Variants in HSD17B12 observed in about 807,000 individuals in gnomAD.
The protein encoded by HSD17B12 is very-long-chain 3-oxoacyl-CoA reductase.
In HSD17B12, 32 loss-of-function variants were observed where a neutral mutation model predicts 39.3. The observed-to-expected ratio is 0.81, with a 90% CI of 0.61 to 1.09. The LOEUF (loss-of-function observed/expected upper bound fraction) is 1.09, where lower values mean the gene tolerates loss of function less well. Ranked by LOEUF, HSD17B12 falls within the 50% of genes least tolerant of loss-of-function variation. The probability of loss-of-function intolerance (pLI) is 0.00; values close to 1 mark genes in which losing one functional copy is unlikely to be tolerated. For missense variants in HSD17B12, 342 were observed against 382.9 expected, an observed-to-expected ratio of 0.89 and a Z score of 0.89; for synonymous variants, 150 against 146.7, an observed-to-expected ratio of 1.02 and a Z score of -0.16.
At chr11:43,734,965 C>T (rs549281462) in intron 1 of HSD17B12, among the ~76,000 whole-genome samples, 1 of 152,320 alleles carries the variant, frequency 6.6e-6, no homozygotes, top group East Asian at 1.9e-4. Flanking sequence ...AACCACTAAT[C>T]TGCTTTCTTC....
rs1565049662 is a variant in HSD17B12 at position 43,690,385 on chromosome 11, TATA to T, written c.160+9399_160+9401del. Among the ~76,000 whole-genome samples, 136 of 15,110 alleles carry T rather than the reference TATA, an allele frequency of 9.0e-3. 7 individuals carry two copies. The highest frequency in any genetic ancestry group is 0.029 in the Middle Eastern group (2 of 70). The allele number at this position is 15,110 out of a possible 152,430, so 9.9% of individuals were successfully genotyped here. On this transcript the variant is annotated intron_variant, in intron 1 of 10. Transcript: ENST00000278353. ...ACATATATATATATATATATATATATATATATATATATATATATATTTTTTTTT... is the reference window on the plus strand; with the variant it reads ...ACATATATATATATATATATATATATTATATATATATATATATTTTTTTTT...
At chr11:43,609,970 C>T in the HSD17B12 span, among the ~76,000 whole-genome samples, 3 of 152,142 alleles carry the variant, frequency 2.0e-5, no homozygotes, top group Non-Finnish European at 2.9e-5. Context: ...CCAATGATTA[C>T]CTAATTCATG....
At chr11:43,618,595 G>T in the HSD17B12 span, among the ~76,000 whole-genome samples, 2 of 152,140 alleles carry the variant, frequency 1.3e-5, no homozygotes, top group African/African-American at 4.8e-5. Flanking sequence ...CTCAAAAAAT[G>T]TCCTACTGAA....
At chr11:43,663,850 T>A in the HSD17B12 span, among the ~76,000 whole-genome samples, 1 of 151,948 alleles carries the variant, frequency 6.6e-6, no homozygotes, top group South Asian at 2.1e-4. Context: ...ATTTTTATTT[T>A]TTTATTTTTT....
At chr11:43,744,994 C>G (rs1317961668) in intron 1 of HSD17B12, among the ~76,000 whole-genome samples, 4 of 152,210 alleles carry the variant, frequency 2.6e-5, no homozygotes, top group African/African-American at 4.8e-5. Flanking sequence ...AGAGCAGTTA[C>G]TGGGAGAGAC....
chr11:43,784,637 C>A (rs562720026), intron 3 of HSD17B12, among the ~76,000 whole-genome samples: 2 of 152,056 alleles, frequency 1.3e-5, no homozygotes, highest in African/African-American at 4.8e-5. Flanking sequence ...AGGGTGGCAA[C>A]AAAACCTTTT....
intron 7 of HSD17B12, among the ~76,000 whole-genome samples, chr11:43,835,235 CAG>C (rs1252605756): frequency 6.6e-6 from 1 of 152,080 alleles, no homozygotes; most frequent in Non-Finnish European, 1.5e-5. Context: ...CTTGATATAA[CAG>C]AGTTGTCATG....
intron 1 of HSD17B12, among the ~76,000 whole-genome samples, chr11:43,738,419 A>G (rs1348084334): frequency 6.8e-6 from 1 of 147,022 alleles, no homozygotes; most frequent in Non-Finnish European, 1.5e-5. Context: ...TGTTCCCCGG[A>G]AATCATCACC....
chr11:43,596,878 C>T, the HSD17B12 span, among the ~76,000 whole-genome samples: 1 of 152,234 alleles, frequency 6.6e-6, no homozygotes, highest in Admixed American at 6.5e-5. Flanking sequence ...TTAGTGACTG[C>T]TCGTCTGAAG....
At chr11:43,830,212 A>C (rs1007152380) in intron 6 of HSD17B12, 1 of 152,216 alleles carries the variant, frequency 6.6e-6, no homozygotes, top group Non-Finnish European at 1.5e-5. Context: ...TTCTTAGAGA[A>C]TTGATGATAT....
At chr11:43,764,811 G>T (rs900892557) in intron 3 of HSD17B12, among the ~76,000 whole-genome samples, 2 of 151,892 alleles carry the variant, frequency 1.3e-5, no homozygotes, top group African/African-American at 4.8e-5. Context: ...ATTTTAAATG[G>T]GTTTCTTATG....
the HSD17B12 span, among the ~76,000 whole-genome samples, chr11:43,590,095 A>G: frequency 6.6e-6 from 1 of 152,162 alleles, no homozygotes; most frequent in Non-Finnish European, 1.5e-5. Flanking sequence ...GGAGGAGTTG[A>G]ACCTTGAATA....
upstream of HSD17B12, chr11:43,680,450 A>T: frequency 3.8e-6 from 1 of 261,646 alleles, no homozygotes; most frequent in South Asian, 3.9e-5. Context: ...CTGAGCTCAA[A>T]CCAGCCTGGG....
intron 1 of HSD17B12, among the ~76,000 whole-genome samples, chr11:43,693,059 G>A (rs1433900685): frequency 6.6e-6 from 1 of 152,228 alleles, no homozygotes; most frequent in East Asian, 1.9e-4. Flanking sequence ...AGGGATGTTA[G>A]CAACCTCTTC....
the HSD17B12 span, among the ~76,000 whole-genome samples, chr11:43,596,013 C>T: frequency 6.6e-6 from 1 of 152,226 alleles, no homozygotes; most frequent in Non-Finnish European, 1.5e-5. Flanking sequence ...TAGGGACCCT[C>T]AAGACCATCC....
At chr11:43,706,689 G>GGGGTGTGTGTGT (rs1037280801) in intron 1 of HSD17B12, among the ~76,000 whole-genome samples, 15 of 137,902 alleles carry the variant, frequency 1.1e-4, no homozygotes, top group South Asian at 7.0e-4. Context: ...TGAATGAAGG[G>GGGGTGTGTGTGT]GTGTGTGTGT....
In HSD17B12 at chr11:43,749,438, T is replaced by C. The variant is rs1950445272; in HGVS notation, c.161-1473T>C. Reference sequence around the variant, plus strand: ...GAATGAGATAATGGTATTGTGGCTATTTTTCATAGCAGAAACATACTGTAA... The same window carrying C: ...GAATGAGATAATGGTATTGTGGCTACTTTTCATAGCAGAAACATACTGTAA... On this transcript the variant is annotated intron_variant, in intron 1 of 10. Coordinates refer to ENST00000278353, the MANE Select transcript of HSD17B12 (RefSeq NM_016142.3). Among the ~76,000 whole-genome samples, 3 of 152,244 alleles carry C rather than the reference T, an allele frequency of 2.0e-5. No individual in the cohort carries two copies. The South Asian group carries it at 6.2e-4, about 32-fold the overall frequency.
At chr11:43,630,392 C>T in the HSD17B12 span, among the ~76,000 whole-genome samples, 1 of 152,204 alleles carries the variant, frequency 6.6e-6, no homozygotes, top group Non-Finnish European at 1.5e-5. Context: ...CAGCTATACT[C>T]AAAGCGGGGA....
chr11:43,732,839 C>G (rs1950282048), intron 1 of HSD17B12, among the ~76,000 whole-genome samples: 1 of 152,110 alleles, frequency 6.6e-6, no homozygotes, highest in African/African-American at 2.4e-5. Context: ...ATGACATGAT[C>G]ATGGTTCACT....
Sources: allele counts gnomAD v4.1 joint callset (sites outside exome capture counted in the v4.1 genomes callset), GRCh38; gene constraint gnomAD v4.1.1; transcripts MANE v1.5; gene names NCBI Gene and HGNC (gene_info 2026-07-23, HGNC 2026-07-21).